Variants in CCR3 observed in about 807,000 individuals in gnomAD.
The protein encoded by CCR3 is C-C chemokine receptor type 3.
For missense variants in CCR3, 419 were observed against 437.5 expected, an observed-to-expected ratio of 0.96 and a Z score of 0.38; for synonymous variants, 203 against 179.2, an observed-to-expected ratio of 1.13 and a Z score of -1.06.
In CCR3 at chr3:46,265,714, C is replaced by G. The variant is rs1438264916; in HGVS notation, c.556C>G (p.Leu186Val). The G allele has an allele frequency of 1.9e-6, 3 of 1,613,854 alleles. No homozygotes were observed. Among genetic ancestry groups the G allele is most frequent in the Admixed American group, 1.7e-5 (1 of 59,998 alleles). ...GTTTGAAGAGACTCTTTGCAGTGCT[C>G]TTTACCCAGAGGATACAGTATATAG... ...ELFEETLCSA[L>V]YPEDTVYSWR... The change falls in exon 2 of 2, where the codon CTT (leucine) becomes GTT (valine). Residue 186 changes from leucine (L) to valine (V), a missense_variant. Leu to Val is a conservative substitution (Grantham distance 32). Transcript: ENST00000395940.
rs200897117 is a variant in CCR3, at chr3:46,265,324, G to A, written c.166G>A (p.Val56Met). Reference protein sequence around the residue: ...TVGLLGNVVVVMILIKYRRLR... With the variant: ...TVGLLGNVVVMMILIKYRRLR... Reference sequence around the variant, plus strand: ...GGGCCTCTTGGGCAATGTGGTGGTGGTGATGATCCTCATAAAATACAGGAG... The same window carrying A: ...GGGCCTCTTGGGCAATGTGGTGGTGATGATGATCCTCATAAAATACAGGAG... The change falls in exon 2 of 2, where the codon GTG becomes ATG. Residue 56 changes from valine (V) to methionine (M), a missense_variant. Val to Met is a conservative substitution (Grantham distance 21). Coordinates refer to ENST00000395940, the MANE Select transcript of CCR3 (RefSeq NM_178329.3). The A allele has an allele frequency of 6.2e-7, 1 of 1,614,106 alleles. No individual in the cohort carries two copies. Among genetic ancestry groups the A allele is most frequent in the Non-Finnish European group, 8.5e-7 (1 of 1,180,010 alleles).
intron 2 of CCR3, among the ~76,000 whole-genome samples, chr3:46,229,634 C>A (rs1349632226): frequency 1.3e-5 from 2 of 152,070 alleles, no homozygotes; most frequent in South Asian, 2.1e-4. Flanking sequence ...TATTTTGAAT[C>A]TTGATTATGG....
At chr3:46,253,796 G>A (rs912898207) in intron 1 of CCR3, among the ~76,000 whole-genome samples, 2 of 152,084 alleles carry the variant, frequency 1.3e-5, no homozygotes, top group African/African-American at 4.8e-5. Flanking sequence ...TGCCCAGTGT[G>A]GGTAATCTAA....
upstream of CCR3, among the ~76,000 whole-genome samples, chr3:46,240,426 C>T (rs1210363010): frequency 6.6e-6 from 1 of 152,160 alleles, no homozygotes; most frequent in Non-Finnish European, 1.5e-5. Flanking sequence ...GTCTTGGTAG[C>T]TCTACTTCCT....
chr3:46,237,676 A>G (rs1700038676), upstream of CCR3, among the ~76,000 whole-genome samples: 1 of 152,216 alleles, frequency 6.6e-6, no homozygotes, highest in South Asian at 2.1e-4. Flanking sequence ...GCATGTATTG[A>G]AGAGGGTGTC....
chr3:46,246,394 G>A (rs1211940059), intron 1 of CCR3, among the ~76,000 whole-genome samples: 1 of 152,126 alleles, frequency 6.6e-6, no homozygotes, highest in Non-Finnish European at 1.5e-5. Flanking sequence ...GGAGATAAGG[G>A]TGGGGCCGTT....
chr3:46,237,673 T>C (rs1700038607), upstream of CCR3, among the ~76,000 whole-genome samples: 2 of 152,250 alleles, frequency 1.3e-5, no homozygotes, highest in Non-Finnish European at 2.9e-5. Flanking sequence ...GCAGCATGTA[T>C]TGAAGAGGGT....
intron 2 of CCR3, among the ~76,000 whole-genome samples, chr3:46,228,153 T>C (rs1699924922): frequency 1.3e-5 from 2 of 150,040 alleles, no homozygotes; most frequent in African/African-American, 4.9e-5. Flanking sequence ...TACTGCCCAG[T>C]TTGTGGTCTT....
intron 2 of CCR3, chr3:46,210,972 T>C (rs1429375685): frequency 6.6e-6 from 1 of 152,170 alleles, no homozygotes; most frequent in East Asian, 1.9e-4. Context: ...GACAATTGAC[T>C]CCTAGGCCCA....
intron 2 of CCR3, among the ~76,000 whole-genome samples, chr3:46,211,739 A>G (rs573239676): frequency 5.9e-5 from 9 of 152,268 alleles, no homozygotes; most frequent in African/African-American, 1.9e-4. Context: ...ACACGCACAC[A>G]CACACTTTTT....
At chr3:46,240,087 C>T (rs71327045), upstream of CCR3, among the ~76,000 whole-genome samples, 29,576 of 151,998 alleles carry the variant, frequency 0.19, 3,135 homozygotes, top group Admixed American at 0.28. Context: ...TGTCATTGAC[C>T]GCCTGTTGGC....
chr3:46,242,963 G>GTATATATATAAATATACACATATATA (rs1700111443), intron 1 of CCR3, among the ~76,000 whole-genome samples: 1 of 86,298 alleles, frequency 1.2e-5, no homozygotes, highest in African/African-American at 4.7e-5. Flanking sequence ...ATATATATGT[G>GTATATATATAAATATACACATATATA]TATATATATA....
At chr3:46,213,966 G>A (rs551425012) in intron 2 of CCR3, among the ~76,000 whole-genome samples, 2 of 152,178 alleles carry the variant, frequency 1.3e-5, no homozygotes, top group South Asian at 4.2e-4. Flanking sequence ...ATGCCCACTT[G>A]GCAAAATTTT....
intron 2 of CCR3, among the ~76,000 whole-genome samples, chr3:46,235,196 C>A (rs1700010650): frequency 6.6e-6 from 1 of 152,204 alleles, no homozygotes; most frequent in Non-Finnish European, 1.5e-5. Context: ...CACTCCCCCA[C>A]CTACCCCCAT....
chr3:46,228,073 C>A (rs1412536511), intron 2 of CCR3, among the ~76,000 whole-genome samples: 1 of 152,000 alleles, frequency 6.6e-6, no homozygotes, highest in African/African-American at 2.4e-5. Flanking sequence ...ACATCCCACA[C>A]TATACAGCAA....
rs145010080 is a variant in CCR3, at chr3:46,265,860, G to A, written c.702G>A (p.Lys234=). ...TGCTGAGGTGCCCCAGTAAAAAAAA[G>A]TACAAGGCCATCCGGCTCATTTTTG... is the stretch of plus-strand genomic sequence containing the variant. ...KTLLRCPSKK[K]YKAIRLIFVI... The change falls in exon 2 of 2, where the codon AAG becomes AAA. Residue 234 remains lysine, a synonymous_variant. Coordinates refer to ENST00000395940, the MANE Select transcript of CCR3 (RefSeq NM_178329.3). 7.6e-5 allele frequency: 122 copies of A among 1,613,934 alleles called. No homozygotes were observed. Among genetic ancestry groups the A allele is most frequent in the Middle Eastern group, 1.6e-4 (1 of 6,084 alleles).
At chr3:46,220,250 C>G (rs1454252636) in intron 2 of CCR3, among the ~76,000 whole-genome samples, 1 of 152,152 alleles carries the variant, frequency 6.6e-6, no homozygotes, top group Non-Finnish European at 1.5e-5. Context: ...CCCAACATCA[C>G]TAATTATCAG....
At position 46,266,016 on chromosome 3, in the gene CCR3, A is replaced by G. The variant is rs113259060; in HGVS notation, c.858A>G (p.Thr286=). 1.1e-5 allele frequency: 18 copies of G among 1,614,082 alleles called. No individual in the cohort carries two copies. The African/African-American group carries it at 1.2e-4, about 11-fold the overall frequency. Residue 286 remains threonine, a synonymous_variant, in exon 2 of 2, where the codon ACA becomes ACG. Transcript: ENST00000395940. ...SKHLDLVMLV[T]EVIAYSHCCM... ...ATCTGGACCTGGTCATGCTGGTGACAGAGGTGATCGCCTACTCCCACTGCT... is the reference window on the plus strand; with the variant it reads ...ATCTGGACCTGGTCATGCTGGTGACGGAGGTGATCGCCTACTCCCACTGCT...
intron 1 of CCR3, among the ~76,000 whole-genome samples, chr3:46,248,520 AGTT>A (rs1224416685): frequency 4.6e-5 from 7 of 152,202 alleles, no homozygotes; most frequent in Middle Eastern, 3.4e-3. Flanking sequence ...GAAGGAAAGG[AGTT>A]GTTGTTTTGT....
Sources: allele counts gnomAD v4.1 joint callset (sites outside exome capture counted in the v4.1 genomes callset), GRCh38; gene constraint gnomAD v4.1.1; transcripts MANE v1.5; gene names NCBI Gene and HGNC (gene_info 2026-07-23, HGNC 2026-07-21).